Variants in DLGAP2 observed in about 807,000 individuals in gnomAD.
The protein encoded by DLGAP2 is disks large-associated protein 2.
A neutral mutation model predicts 100.3 loss-of-function variants in DLGAP2; 26 were observed. The ratio of observed to expected loss-of-function variants is 0.26; its 90% confidence interval spans 0.19 to 0.36. The LOEUF is 0.36. Ranked by LOEUF, DLGAP2 falls within the 10% of genes least tolerant of loss-of-function variation. DLGAP2 has a pLI of 1.00. For missense variants in DLGAP2, 1,858 were observed against 1,453.2 expected (o/e 1.28, Z -4.53); for synonymous variants, 886 against 630.1 (o/e 1.41, Z -6.08).
In DLGAP2 at chr8:780,899, A is replaced by G. The variant is rs533073891; in HGVS notation, c.18+43074A>G. On this transcript the variant is annotated intron_variant, in intron 1 of 14. Transcript: ENST00000637795. ...ATCCCCCTGTACCAGAGTAGCAATT[A>G]TTGAGGACATCAAAAAAGTATACCA... Among the ~76,000 whole-genome samples the G allele has an allele frequency of 8.5e-5, 13 of 152,276 alleles. No individual in the cohort carries two copies. In the South Asian group the frequency reaches 1.5e-3, roughly 17 times the overall value.
At chr8:1,373,146 A>G (rs1802287861) in intron 3 of DLGAP2, among the ~76,000 whole-genome samples, 1 of 152,038 alleles carries the variant, frequency 6.6e-6, no homozygotes, top group African/African-American at 2.4e-5. Context: ...GGGCGTCTTC[A>G]TGGGTCTCAT....
At chr8:1,540,446 G>C (rs951199511) in intron 4 of DLGAP2, among the ~76,000 whole-genome samples, 2 of 152,162 alleles carry the variant, frequency 1.3e-5, no homozygotes, top group South Asian at 4.1e-4. Context: ...AGAGGGAAAG[G>C]AAGGCAGGAA....
chr8:1,199,862 C>T (rs559353534), intron 2 of DLGAP2, among the ~76,000 whole-genome samples: 4 of 152,196 alleles, frequency 2.6e-5, no homozygotes, highest in African/African-American at 7.2e-5. Flanking sequence ...GAATCATCGG[C>T]TGTGTCACTG....
At chr8:1,081,204 C>G (rs1803796647) in intron 2 of DLGAP2, among the ~76,000 whole-genome samples, 1 of 152,142 alleles carries the variant, frequency 6.6e-6, no homozygotes, top group South Asian at 2.1e-4. Context: ...CATATCTCAC[C>G]GGGTTAAAGG....
intron 12 of DLGAP2, among the ~76,000 whole-genome samples, chr8:1,688,663 T>C (rs1352046042): frequency 2.0e-5 from 3 of 152,200 alleles, no homozygotes; most frequent in Non-Finnish European, 4.4e-5. Context: ...AATAAAACTT[T>C]GGGGAGCAAA....
chr8:999,239 T>C (rs1202734444), intron 2 of DLGAP2, among the ~76,000 whole-genome samples: 1 of 151,800 alleles, frequency 6.6e-6, no homozygotes, highest in Non-Finnish European at 1.5e-5. Context: ...TTTTGTCTCC[T>C]GCTTGTTTTC....
At chr8:1,102,037 T>A (rs1296178656) in intron 2 of DLGAP2, among the ~76,000 whole-genome samples, 1 of 152,018 alleles carries the variant, frequency 6.6e-6, no homozygotes, top group African/African-American at 2.4e-5. Flanking sequence ...CATATTGTAT[T>A]ATAGGGGAAC....
intron 4 of DLGAP2, among the ~76,000 whole-genome samples, chr8:1,516,463 ATGAG>A (rs1800391002): frequency 7.7e-6 from 1 of 130,064 alleles, no homozygotes; most frequent in Admixed American, 7.8e-5. Context: ...GACTGAGTGA[ATGAG>A]TGGGTGACTG....
chr8:1,266,284 C>T (rs576559860), intron 3 of DLGAP2, among the ~76,000 whole-genome samples: 2 of 152,306 alleles, frequency 1.3e-5, no homozygotes, highest in East Asian at 1.9e-4. Context: ...AAGCACTTAC[C>T]CAAGCAGCCA....
intron 2 of DLGAP2, among the ~76,000 whole-genome samples, chr8:946,242 T>C (rs1230926272): frequency 6.6e-6 from 1 of 151,988 alleles, no homozygotes; most frequent in African/African-American, 2.4e-5. Flanking sequence ...AACTTGGTGC[T>C]TCTGTGAGAA....
At chr8:1,696,337 C>T (rs1396886833) in intron 13 of DLGAP2, among the ~76,000 whole-genome samples, 2 of 152,040 alleles carry the variant, frequency 1.3e-5, no homozygotes, top group African/African-American at 4.8e-5. Flanking sequence ...CCCATTGCTA[C>T]AAAATTAAAG....
chr8:1,517,180 C>A (rs1038264200), intron 4 of DLGAP2, among the ~76,000 whole-genome samples: 1 of 152,140 alleles, frequency 6.6e-6, no homozygotes, highest in African/African-American at 2.4e-5. Flanking sequence ...GGACGTAGTG[C>A]TTCATTCTGT....
intron 2 of DLGAP2, among the ~76,000 whole-genome samples, chr8:967,710 T>C (rs1413150950): frequency 2.1e-5 from 3 of 141,208 alleles, no homozygotes; most frequent in South Asian, 4.7e-4. Context: ...AGAGGTTTGT[T>C]TTACTACTGT....
chr8:1,128,532 A>T (rs943407996), intron 2 of DLGAP2, among the ~76,000 whole-genome samples: 1 of 152,182 alleles, frequency 6.6e-6, no homozygotes, highest in African/African-American at 2.4e-5. Context: ...GTGGGTGTGT[A>T]GCCCAGAAGC....
intron 1 of DLGAP2, among the ~76,000 whole-genome samples, chr8:876,390 T>G (rs944896847): frequency 6.6e-6 from 1 of 152,180 alleles, no homozygotes; most frequent in Non-Finnish European, 1.5e-5. Flanking sequence ...GAAGAATAGG[T>G]TTTCTGGATA....
intron 3 of DLGAP2, among the ~76,000 whole-genome samples, chr8:1,373,450 G>T (rs1162683999): frequency 1.3e-5 from 2 of 152,194 alleles, no homozygotes; most frequent in African/African-American, 4.8e-5. Flanking sequence ...ACAGAGAGCC[G>T]TGTCGGCCGA....
chr8:1,318,461 G>T (rs1053439043), intron 3 of DLGAP2, among the ~76,000 whole-genome samples: 8 of 150,274 alleles, frequency 5.3e-5, no homozygotes, highest in Non-Finnish European at 1.0e-4. Context: ...GTATATGCCA[G>T]TTAGCAAAAT....
intron 2 of DLGAP2, among the ~76,000 whole-genome samples, chr8:1,105,871 A>T (rs910606856): frequency 8.0e-6 from 1 of 124,958 alleles, no homozygotes; most frequent in Non-Finnish European, 1.7e-5. Context: ...CCATTCTAGG[A>T]GGGTTTTCTA....
chr8:926,705 G>C (rs1198673550), intron 2 of DLGAP2, among the ~76,000 whole-genome samples: 3 of 152,228 alleles, frequency 2.0e-5, no homozygotes, highest in African/African-American at 7.2e-5. Context: ...CCGCCGAGGG[G>C]CTGGCAGCAG....
Sources: allele counts gnomAD v4.1 joint callset (sites outside exome capture counted in the v4.1 genomes callset), GRCh38; gene constraint gnomAD v4.1.1; transcripts MANE v1.5; gene names NCBI Gene and HGNC (gene_info 2026-07-23, HGNC 2026-07-21).